NEMP2: variants seen among roughly 807,000 people sequenced by gnomAD.
NEMP2 encodes the protein UPF0571 transmembrane protein.
In NEMP2, 53 loss-of-function variants were observed where a neutral mutation model predicts 54.2. That is an observed-to-expected ratio of 0.98 (90% CI 0.78 to 1.23). NEMP2 has a LOEUF of 1.23. Among genes scored for constraint, NEMP2 ranks in the 50% most tolerant of loss-of-function variants. The probability of loss-of-function intolerance (pLI) is 0.00; values close to 1 mark genes in which losing one functional copy is unlikely to be tolerated. For synonymous variants in NEMP2, 197 were observed against 190.3 expected, an observed-to-expected ratio of 1.04 and a Z score of -0.29; for missense variants, 455 against 511.3, an observed-to-expected ratio of 0.89 and a Z score of 1.06.
the NEMP2 span, among the ~76,000 whole-genome samples, chr2:190,465,632 G>T: frequency 0.45 from 68,436 of 152,014 alleles, 16,013 homozygotes; most frequent in East Asian, 0.61. This position sits in a 1 kb window ranked among gnomAD's most constrained non-coding sequence, Gnocchi z 4.6. Flanking sequence ...ATCCCTAACT[G>T]TATTAGAGTG....
At chr2:190,546,758 T>G in the NEMP2 span, among the ~76,000 whole-genome samples, 1 of 152,208 alleles carries the variant, frequency 6.6e-6, no homozygotes, top group African/African-American at 2.4e-5. The surrounding 1 kb of genome is among the most constrained non-coding windows in gnomAD (Gnocchi z 5.1). Context: ...GAGGTATATA[T>G]TAGCTAGGAT....
rs1691075601 is a variant in NEMP2 at position 190,529,767 on chromosome 2, T to C, written c.98-4389A>G. Among the ~76,000 whole-genome samples the C allele has an allele frequency of 2.0e-5, 3 of 152,174 alleles. No individual in the cohort carries two copies. The highest frequency in any genetic ancestry group is 7.2e-5 in the African/African-American group (3 of 41,440). On this transcript the variant is annotated intron_variant, in intron 1 of 8. Coordinates refer to ENST00000409150, the MANE Select transcript of NEMP2 (RefSeq NM_001142645.2). The surrounding 1 kb of genome is among the most constrained non-coding windows in gnomAD (Gnocchi z 4.7). Reference sequence around the variant, plus strand: ...ATCTTTGTAAGAGCCTGGCCAGGAATAGTCAGCACCGTAAAAGAAGGTGCA... The same window carrying C: ...ATCTTTGTAAGAGCCTGGCCAGGAACAGTCAGCACCGTAAAAGAAGGTGCA...
At chr2:190,428,960 AC>A in the NEMP2 span, among the ~76,000 whole-genome samples, 26 of 152,288 alleles carry the variant, frequency 1.7e-4, no homozygotes, top group South Asian at 5.4e-3. Flanking sequence ...GGTGTGAGCC[AC>A]CATGCCCAGC....
At position 190,531,726 on chromosome 2, in the gene NEMP2, C is replaced by T. The variant is rs1029701259; in HGVS notation, c.97+2833G>A. ...ACCTAATTATAAGCTCAATTATCTC[C>T]TTTGTAGTACTTTTGTCATTTATTA... On this transcript the variant is annotated intron_variant, in intron 1 of 8. Coordinates refer to ENST00000409150, the MANE Select transcript of NEMP2 (RefSeq NM_001142645.2). This position sits in a 1 kb window ranked among gnomAD's most constrained non-coding sequence, Gnocchi z 4.7. Among the ~76,000 whole-genome samples, 1 of 152,000 alleles carries T rather than the reference C, an allele frequency of 6.6e-6. No individual in the cohort carries two copies. The highest frequency in any genetic ancestry group is 2.4e-5 in the African/African-American group (1 of 41,368).
the NEMP2 span, among the ~76,000 whole-genome samples, chr2:190,493,295 A>T: frequency 6.6e-6 from 1 of 152,218 alleles, no homozygotes; most frequent in Non-Finnish European, 1.5e-5. Flanking sequence ...GGGTGACATT[A>T]TATAATGATA....
chr2:190,471,714 A>T, the NEMP2 span, among the ~76,000 whole-genome samples: 3 of 152,196 alleles, frequency 2.0e-5, no homozygotes, highest in African/African-American at 7.2e-5. This position sits in a 1 kb window ranked among gnomAD's most constrained non-coding sequence, Gnocchi z 4.7. Context: ...GCAGACTTAA[A>T]TGTCCCTGTC....
the NEMP2 span, among the ~76,000 whole-genome samples, chr2:190,473,353 A>C: frequency 7.9e-5 from 12 of 152,356 alleles, no homozygotes; most frequent in Admixed American, 2.0e-4. Context: ...TCTCACGTGC[A>C]GAAACACACA....
the NEMP2 span, among the ~76,000 whole-genome samples, chr2:190,612,787 C>T: frequency 1.3e-5 from 2 of 152,122 alleles, no homozygotes; most frequent in Non-Finnish European, 2.9e-5. Flanking sequence ...CTTTATATCT[C>T]TCTTATTTCC....
chr2:190,572,151 G>A, the NEMP2 span, among the ~76,000 whole-genome samples: 2 of 152,008 alleles, frequency 1.3e-5, no homozygotes, highest in African/African-American at 4.8e-5. Flanking sequence ...TTCCAGAAAA[G>A]CAATATTTAA....
the NEMP2 span, among the ~76,000 whole-genome samples, chr2:190,428,906 C>A: frequency 1.6e-4 from 24 of 152,210 alleles, 1 homozygote; most frequent in African/African-American, 5.5e-4. Flanking sequence ...CTCCTGGCTT[C>A]AAGTGATCCA....
chr2:190,587,035 A>G, the NEMP2 span, among the ~76,000 whole-genome samples: 30 of 152,114 alleles, frequency 2.0e-4, no homozygotes, highest in Admixed American at 9.8e-4. The surrounding 1 kb of genome is among the most constrained non-coding windows in gnomAD (Gnocchi z 5.4). Flanking sequence ...CGTACACACA[A>G]TGATATGAGA....
chr2:190,511,038 C>T (rs1021646684), intron 7 of NEMP2, among the ~76,000 whole-genome samples: 1 of 152,258 alleles, frequency 6.6e-6, no homozygotes, highest in East Asian at 1.9e-4. Context: ...TGTATTTCCC[C>T]ATTTCCTGGA....
At chr2:190,537,881 G>A (rs1381106333), upstream of NEMP2, among the ~76,000 whole-genome samples, 1 of 152,140 alleles carries the variant, frequency 6.6e-6, no homozygotes, top group Non-Finnish European at 1.5e-5. Context: ...CAGGCTCAGA[G>A]GCCTAGGAGG....
At chr2:190,425,938 T>G in the NEMP2 span, among the ~76,000 whole-genome samples, 1 of 152,178 alleles carries the variant, frequency 6.6e-6, no homozygotes, top group Non-Finnish European at 1.5e-5. This position sits in a 1 kb window ranked among gnomAD's most constrained non-coding sequence, Gnocchi z 4.3. Flanking sequence ...ATTTCAATTG[T>G]TTTTCTCCCA....
chr2:190,619,044 A>T, the NEMP2 span, among the ~76,000 whole-genome samples: 1 of 152,188 alleles, frequency 6.6e-6, no homozygotes, highest in Non-Finnish European at 1.5e-5. The surrounding 1 kb of genome is among the most constrained non-coding windows in gnomAD (Gnocchi z 5.5). Context: ...GAGAGAGCAA[A>T]GCTACTTCTC....
the NEMP2 span, chr2:190,648,614 ATTT>A: frequency 7.0e-6 from 1 of 142,800 alleles, no homozygotes; most frequent in Non-Finnish European, 1.5e-5. Flanking sequence ...CTCACACATA[ATTT>A]TTTTTTTTTA....
At chr2:190,624,085 C>A in the NEMP2 span, among the ~76,000 whole-genome samples, 1 of 152,214 alleles carries the variant, frequency 6.6e-6, no homozygotes, top group Middle Eastern at 3.4e-3. Context: ...GAGTTGGAGA[C>A]AAGCCTGAGC....
chr2:190,496,645 T>C, the NEMP2 span, among the ~76,000 whole-genome samples: 4 of 151,466 alleles, frequency 2.6e-5, no homozygotes, highest in African/African-American at 9.8e-5. This position sits in a 1 kb window ranked among gnomAD's most constrained non-coding sequence, Gnocchi z 4.7. Flanking sequence ...TGTATATATA[T>C]GTATATGTGT....
At chr2:190,503,169 T>C (rs1015332845), downstream of NEMP2, among the ~76,000 whole-genome samples, 1 of 152,204 alleles carries the variant, frequency 6.6e-6, no homozygotes, top group Non-Finnish European at 1.5e-5. This position sits in a 1 kb window ranked among gnomAD's most constrained non-coding sequence, Gnocchi z 6.3. Flanking sequence ...TTGTGAAATG[T>C]AGGTACACCA....
Sources: gnomAD v4.1 joint callset for allele counts (sites outside exome capture counted in the v4.1 genomes callset) on GRCh38, gnomAD v4.1.1 for gene constraint, Gnocchi (gnomAD v3.1) non-coding constraint, MANE v1.5 for transcripts, NCBI Gene and HGNC (gene_info 2026-07-23, HGNC 2026-07-21) for gene names.